GLRA3: variants seen among roughly 807,000 people sequenced by gnomAD.
The protein encoded by GLRA3 is glycine receptor alpha 3.
Under a neutral mutation model 60.4 loss-of-function variants are expected in GLRA3, and 44 were observed. That is an observed-to-expected ratio of 0.73 (90% CI 0.57 to 0.94). GLRA3 has a LOEUF of 0.94. GLRA3 is among the 40% of genes least tolerant of loss of function. The probability of loss-of-function intolerance (pLI) is 0.00; values close to 1 mark genes in which losing one functional copy is unlikely to be tolerated. For missense variants in GLRA3, 508 were observed against 564.6 expected, an observed-to-expected ratio of 0.90 and a Z score of 1.02; for synonymous variants, 223 against 192.9, an observed-to-expected ratio of 1.16 and a Z score of -1.29.
rs376504813 is a variant in GLRA3, at chr4:174,661,189, A to G, written c.928-1992T>C. On this transcript the variant is annotated intron_variant, in intron 7 of 9. Coordinates refer to ENST00000274093, the MANE Select transcript of GLRA3 (RefSeq NM_006529.4). ...CACACACACACACACATATTCACACACACACATAAAATGTAGCACCTGTGT... is the reference window on the plus strand; with the variant it reads ...CACACACACACACACATATTCACACGCACACATAAAATGTAGCACCTGTGT... 3.9e-5 allele frequency among the ~76,000 whole-genome samples: 6 copies of G among 152,112 alleles called. No homozygotes were observed. In the East Asian group the frequency reaches 5.8e-4, roughly 15 times the overall value.
intron 1 of GLRA3, among the ~76,000 whole-genome samples, chr4:174,813,731 T>G (rs1232194756): frequency 6.6e-6 from 1 of 152,260 alleles, no homozygotes. Flanking sequence ...CCTTTTCTGA[T>G]TTAAAATCTA....
rs576427800 is a variant in GLRA3 at position 174,794,441 on chromosome 4, C to T, written c.72-5498G>A. Among the ~76,000 whole-genome samples, 12 of 151,968 alleles carry T rather than the reference C, an allele frequency of 7.9e-5. No individual in the cohort carries two copies. In the South Asian group the frequency reaches 1.9e-3, roughly 24 times the overall value. On this transcript the variant is annotated intron_variant, in intron 1 of 9. Transcript: ENST00000274093. ...CTGGACATTTATAGGAAGGCAACAG[C>T]GTTAAACAATCAAAATACAACACAA...
chr4:174,804,372 A>G (rs1184026347), intron 1 of GLRA3, among the ~76,000 whole-genome samples: 1 of 152,184 alleles, frequency 6.6e-6, no homozygotes, highest in Admixed American at 6.6e-5. Flanking sequence ...CTGATCATGT[A>G]GTGCCTTACA....
At chr4:174,676,083 ACTT>A (rs900810702) in intron 7 of GLRA3, among the ~76,000 whole-genome samples, 9 of 152,174 alleles carry the variant, frequency 5.9e-5, no homozygotes, top group East Asian at 3.8e-4. Flanking sequence ...GATGACAGAA[ACTT>A]CTTCTTAGAC....
chr4:174,778,351 TC>T (rs1432816186), intron 2 of GLRA3, among the ~76,000 whole-genome samples: 2 of 152,198 alleles, frequency 1.3e-5, no homozygotes, highest in Non-Finnish European at 2.9e-5. Context: ...TCTTTTTTTT[TC>T]TTTTTTTGCT....
intron 3 of GLRA3, among the ~76,000 whole-genome samples, chr4:174,753,394 T>C (rs1469400580): frequency 6.6e-6 from 1 of 152,174 alleles, no homozygotes; most frequent in Non-Finnish European, 1.5e-5. Flanking sequence ...TTAAATTGAT[T>C]GCCAAGAACT....
Position 174,801,062 on chromosome 4 carries a change from A to G in GLRA3, c.72-12119T>C, listed in dbSNP as rs373117372. Among the ~76,000 whole-genome samples, 6 of 152,186 alleles carry G rather than the reference A, an allele frequency of 3.9e-5. No individual in the cohort carries two copies. In the East Asian group the frequency reaches 1.2e-3, roughly 29 times the overall value. ...TGTTTAAGGTAGAGTCGGCTAAACT[A>G]TGATGTGCAGTAGCTTAGGTATACT... On this transcript the variant is annotated intron_variant, in intron 1 of 9. Coordinates refer to ENST00000274093, the MANE Select transcript of GLRA3 (RefSeq NM_006529.4).
At chr4:174,822,561 C>T (rs1740781614) in intron 1 of GLRA3, among the ~76,000 whole-genome samples, 1 of 152,172 alleles carries the variant, frequency 6.6e-6, no homozygotes, top group Non-Finnish European at 1.5e-5. Context: ...TAAGGGATGA[C>T]CACCTGTTGA....
chr4:174,688,579 A>AGTGTGTGTGTGTGT (rs59653917), intron 5 of GLRA3, among the ~76,000 whole-genome samples: 2 of 133,874 alleles, frequency 1.5e-5, no homozygotes, highest in African/African-American at 5.7e-5. Flanking sequence ...GGAAGGAGGA[A>AGTGTGTGTGTGTGT]GTGTGTGTGT....
chr4:174,800,118 G>A (rs745593767), intron 1 of GLRA3, among the ~76,000 whole-genome samples: 16 of 152,034 alleles, frequency 1.1e-4, no homozygotes, highest in African/African-American at 3.4e-4. Flanking sequence ...GCTAAAAAGA[G>A]AATTACTTGT....
intron 6 of GLRA3, among the ~76,000 whole-genome samples, chr4:174,679,877 G>A (rs892299895): frequency 1.3e-5 from 2 of 152,192 alleles, no homozygotes; most frequent in Non-Finnish European, 2.9e-5. Context: ...CAGGTGAAGA[G>A]GTTGGTGAGT....
Position 174,828,905 on chromosome 4 carries a change from T to A in GLRA3, c.-94A>T. The stretch of plus-strand genomic sequence containing the variant: ...TGAAAATGTACAATCTAACCCCGCA[T>A]GGTGTTGGTGTAGACTGATGCTTGG... On this transcript the variant is annotated 5_prime_UTR_variant, in exon 1 of 10. An upstream start codon of the reference 5' UTR is lost. Coordinates refer to ENST00000274093, the MANE Select transcript of GLRA3 (RefSeq NM_006529.4). The A allele has an allele frequency of 1.1e-6, 1 of 870,348 alleles. No homozygotes were observed. 53.9% of individuals were successfully genotyped at this position (870,348 alleles called of 1,614,324 possible). A position where few individuals can be genotyped will look rare whatever the true frequency, so the allele number is the denominator to read the frequency against.
intron 2 of GLRA3, among the ~76,000 whole-genome samples, chr4:174,787,784 A>T (rs1274992743): frequency 6.6e-6 from 1 of 152,080 alleles, no homozygotes; most frequent in Non-Finnish European, 1.5e-5. Context: ...TTAAAAACAA[A>T]TCAAGACATG....
At position 174,688,111 on chromosome 4, in the gene GLRA3, A is replaced by G. The variant is rs562782040; in HGVS notation, c.575-5172T>C. 5.3e-5 allele frequency among the ~76,000 whole-genome samples: 8 copies of G among 151,876 alleles called. No homozygotes were observed. In the South Asian group the frequency reaches 1.7e-3, roughly 32 times the overall value. ...AACCAAAATTGGCACATAATTAACT[A>G]TGTGTTTACAGAAAAAAAAGGAAAA... On this transcript the variant is annotated intron_variant, in intron 5 of 9. Coordinates refer to ENST00000274093, the MANE Select transcript of GLRA3 (RefSeq NM_006529.4).
intron 6 of GLRA3, among the ~76,000 whole-genome samples, chr4:174,678,328 G>C (rs1485259962): frequency 6.6e-6 from 1 of 152,182 alleles, no homozygotes; most frequent in East Asian, 1.9e-4. Context: ...ACTACTCTAT[G>C]TTATCTCTCC....
intron 7 of GLRA3, among the ~76,000 whole-genome samples, chr4:174,668,523 T>C (rs974918754): frequency 1.3e-5 from 2 of 152,194 alleles, no homozygotes; most frequent in Admixed American, 6.6e-5. Flanking sequence ...CTGTGACCAA[T>C]AAATTCCTGT....
At chr4:174,739,998 G>A (rs78294202) in intron 3 of GLRA3, among the ~76,000 whole-genome samples, 2 of 152,036 alleles carry the variant, frequency 1.3e-5, no homozygotes, top group East Asian at 1.9e-4. Flanking sequence ...ATTCTGTATC[G>A]CCTCTGTAGG....
At chr4:174,770,049 T>C (rs953854096) in intron 2 of GLRA3, among the ~76,000 whole-genome samples, 1 of 152,168 alleles carries the variant, frequency 6.6e-6, no homozygotes, top group Non-Finnish European at 1.5e-5. Flanking sequence ...TGGTCTAAAA[T>C]ATCATTTGAA....
At chr4:174,767,152 AC>A in intron 2 of GLRA3, 122 bp from the exon 3 acceptor site, 1 of 577,228 alleles carries the variant, frequency 1.7e-6, no homozygotes, top group Non-Finnish European at 3.1e-6. Context: ...ACACACACAC[AC>A]ACAGATGCTT....
Sources: gnomAD v4.1 joint callset for allele counts (sites outside exome capture counted in the v4.1 genomes callset) on GRCh38, gnomAD v4.1.1 for gene constraint, MANE v1.5 for transcripts, NCBI Gene and HGNC (gene_info 2026-07-23, HGNC 2026-07-21) for gene names.